Variants in KANK4 observed in about 807,000 individuals in gnomAD.
KANK4 encodes the protein KN motif and ankyrin repeat domains 4.
A neutral mutation model predicts 80.8 loss-of-function variants in KANK4; 50 were observed. The observed-to-expected ratio is 0.62, with a 90% CI of 0.49 to 0.78. The LOEUF is 0.78. KANK4 is among the 30% of genes least tolerant of loss of function. The pLI is 0.00. For synonymous variants in KANK4, 465 were observed against 506.9 expected (o/e 0.92, Z 1.11); for missense variants, 1,196 against 1,240.1 (o/e 0.96, Z 0.53).
At chr1:62,296,165 T>C (rs930772523) in intron 1 of KANK4, among the ~76,000 whole-genome samples, 6 of 152,224 alleles carry the variant, frequency 3.9e-5, no homozygotes, top group Non-Finnish European at 7.3e-5. Flanking sequence ...GGGAAGTGCA[T>C]TCTTAGCACG....
At chr1:62,290,823 C>A (rs747826944) in intron 1 of KANK4, among the ~76,000 whole-genome samples, 2 of 151,772 alleles carry the variant, frequency 1.3e-5, no homozygotes, top group African/African-American at 2.4e-5. Context: ...CGGCTCACTG[C>A]AAGCTCTGCC....
At chr1:62,275,959 G>T (rs1672304279) in intron 2 of KANK4, among the ~76,000 whole-genome samples, 1 of 151,222 alleles carries the variant, frequency 6.6e-6, no homozygotes, top group Admixed American at 6.6e-5. Context: ...GAGAAAGAAA[G>T]AAATCGCATT....
intron 4 of KANK4, among the ~76,000 whole-genome samples, chr1:62,269,547 G>T (rs1312718051): frequency 6.6e-6 from 1 of 152,098 alleles, no homozygotes; most frequent in Non-Finnish European, 1.5e-5. Context: ...GAGAGTGGAG[G>T]GCATATTACA....
At chr1:62,252,032 C>T (rs1203711720) in intron 8 of KANK4, among the ~76,000 whole-genome samples, 3 of 151,340 alleles carry the variant, frequency 2.0e-5, no homozygotes, top group African/African-American at 7.3e-5. Context: ...AGTCTTGGCT[C>T]AGTTTAAAAA....
At chr1:62,316,128 G>A (rs565502024) in intron 1 of KANK4, among the ~76,000 whole-genome samples, 1 of 152,370 alleles carries the variant, frequency 6.6e-6, no homozygotes, top group South Asian at 2.1e-4. Context: ...CTGGGCCTCT[G>A]ATCTCAATGG....
At chr1:62,316,308 T>C (rs1644539896) in intron 1 of KANK4, among the ~76,000 whole-genome samples, 1 of 152,210 alleles carries the variant, frequency 6.6e-6, no homozygotes, top group Non-Finnish European at 1.5e-5. Context: ...AATTGTCAAC[T>C]CTGCCCATAA....
intron 4 of KANK4, among the ~76,000 whole-genome samples, chr1:62,269,849 G>GTTCCT (rs1465033752): frequency 6.6e-6 from 1 of 152,218 alleles, no homozygotes; most frequent in Non-Finnish European, 1.5e-5. Flanking sequence ...TAGAGCAGAA[G>GTTCCT]TTCCTAACCT....
chr1:62,252,250 G>A (rs1251515577), intron 8 of KANK4, among the ~76,000 whole-genome samples: 2 of 152,218 alleles, frequency 1.3e-5, no homozygotes, highest in East Asian at 1.9e-4. Flanking sequence ...TGGAGCCCAC[G>A]TGTCCTGAAT....
chr1:62,313,932 C>G (rs111382161), intron 1 of KANK4, among the ~76,000 whole-genome samples: 1 of 152,012 alleles, frequency 6.6e-6, no homozygotes, highest in East Asian at 1.9e-4. Flanking sequence ...AACGTCGTAC[C>G]TAATAACTGT....
At chr1:62,308,583 A>G (rs1041360013) in intron 1 of KANK4, among the ~76,000 whole-genome samples, 11 of 152,142 alleles carry the variant, frequency 7.2e-5, no homozygotes, top group African/African-American at 2.7e-4. Context: ...CCAGGCTGAC[A>G]TTCTCAAAAG....
In KANK4 at chr1:62,274,448, C is replaced by T. The variant is rs201256809; in HGVS notation, c.656G>A (p.Arg219Gln). ...GLAGFHSSSP[R>Q]ASTRIPELVQ... ...CAGCTCTGGAATCCGAGTTGATGCT[C>T]GTGGGCTGGAGCTGTGGAAACCTGC... The change falls in exon 3 of 10, where the codon CGA (arginine) becomes CAA (glutamine). Residue 219 changes from arginine to glutamine, a missense_variant. By Grantham distance (43) the Arg-to-Gln change is conservative. Coordinates refer to ENST00000371153, the MANE Select transcript of KANK4 (RefSeq NM_181712.5). 6 of 1,614,180 alleles carry T rather than the reference C, an allele frequency of 3.7e-6. No homozygotes were observed. In the African/African-American group the frequency reaches 8.0e-5, roughly 22 times the overall value.
rs1417974296 is a variant in KANK4 at position 62,275,012 on chromosome 1, T to C, written c.92A>G (p.Tyr31Cys). ...KSHPYSVETP[Y>C]GFHLDLDFLK... ...GAAGTCCAGGTCTAAATGAAAGCCA[T>C]ATGGGGTCTCCACAGAATAAGGGTG... The change falls in exon 3 of 10, where the codon TAT becomes TGT. Residue 31 changes from tyrosine to cysteine, a missense_variant. This residue lies in a region of KANK4 where 6 missense variants were observed against 26.4 expected (regional missense o/e 0.23). Coordinates refer to ENST00000371153, the MANE Select transcript of KANK4 (RefSeq NM_181712.5). The C allele has an allele frequency of 1.9e-6, 3 of 1,614,050 alleles. No homozygotes were observed. The highest frequency in any genetic ancestry group is 1.1e-5 in the South Asian group (1 of 91,080).
rs6688986 is a variant in KANK4, at chr1:62,237,048, T to C, written c.*1229A>G. ...CAGGGGCACCCAGCAAATTGGCATC[T>C]GAGCCAAAATGAGAGTGCAAGCTTT... On this transcript the variant is annotated 3_prime_UTR_variant, in exon 10 of 10. Transcript: ENST00000371153. 0.28 allele frequency: 42,296 copies of C among 151,650 alleles called. 6,800 individuals carry two copies. The highest frequency in any genetic ancestry group is 0.36 in the Non-Finnish European group (24,285 of 67,936). The allele number at this position is 151,650 out of a possible 1,614,324, so 9.4% of individuals were successfully genotyped here.
At chr1:62,246,263 A>G (rs1328190163) in intron 9 of KANK4, among the ~76,000 whole-genome samples, 1 of 152,198 alleles carries the variant, frequency 6.6e-6, no homozygotes, top group African/African-American at 2.4e-5. Flanking sequence ...GAAGCCTGTG[A>G]CTGACAGTGC....
At chr1:62,306,102 A>G (rs1235954101) in intron 1 of KANK4, among the ~76,000 whole-genome samples, 1 of 152,136 alleles carries the variant, frequency 6.6e-6, no homozygotes, top group Admixed American at 6.5e-5. Flanking sequence ...CTTCTGGTTC[A>G]GTCTCCTAAG....
At chr1:62,284,197 C>T (rs1465077882) in intron 1 of KANK4, among the ~76,000 whole-genome samples, 1 of 152,148 alleles carries the variant, frequency 6.6e-6, no homozygotes, top group Non-Finnish European at 1.5e-5. Flanking sequence ...AGTTTCCTTC[C>T]AGTGGGCAAT....
At chr1:62,294,353 C>T (rs1306212431) in intron 1 of KANK4, among the ~76,000 whole-genome samples, 1 of 152,188 alleles carries the variant, frequency 6.6e-6, no homozygotes, top group Admixed American at 6.5e-5. Context: ...CAGCGAAAGC[C>T]TCTCAAGGGT....
At chr1:62,314,589 T>TC (rs1644524877) in intron 1 of KANK4, among the ~76,000 whole-genome samples, 1 of 150,694 alleles carries the variant, frequency 6.6e-6, no homozygotes, top group African/African-American at 2.4e-5. Context: ...TGTATTTCTC[T>TC]CCCCCCTTGT....
intron 7 of KANK4, among the ~76,000 whole-genome samples, chr1:62,256,044 A>G (rs1269473078): frequency 6.6e-6 from 1 of 152,214 alleles, no homozygotes; most frequent in Non-Finnish European, 1.5e-5. Flanking sequence ...CCCAACACAA[A>G]TTCATAAAGT....
Sources: gnomAD v4.1 joint callset for allele counts (sites outside exome capture counted in the v4.1 genomes callset) on GRCh38, gnomAD v4.1.1 for gene constraint, gnomAD v4.1.1 regional missense constraint, MANE v1.5 for transcripts, NCBI Gene and HGNC (gene_info 2026-07-23, HGNC 2026-07-21) for gene names.